The following MALRD1 variants were observed in gnomAD, a reference collection of about 807,000 sequenced individuals.
The protein encoded by MALRD1 is MAM and LDL receptor class A domain containing 1, also known as MAM and LDL-receptor class A domain-containing protein 1.
MALRD1 carries 247 observed loss-of-function variants against 242.1 expected under a neutral mutation model. That is an observed-to-expected ratio of 1.02 (90% CI 0.92 to 1.13). The LOEUF (loss-of-function observed/expected upper bound fraction) is 1.13, where lower values mean the gene tolerates loss of function less well. MALRD1 is among the 50% of genes most tolerant of loss of function. The probability of loss-of-function intolerance (pLI) is 0.00; values close to 1 mark genes in which losing one functional copy is unlikely to be tolerated. For synonymous variants in MALRD1, 995 were observed against 866.6 expected, an observed-to-expected ratio of 1.15 and a Z score of -2.60; for missense variants, 2,989 against 2,533.1, an observed-to-expected ratio of 1.18 and a Z score of -3.86.
intron 21 of MALRD1, among the ~76,000 whole-genome samples, chr10:19,302,430 T>A (rs1279208644): frequency 6.6e-6 from 1 of 151,800 alleles, no homozygotes; most frequent in East Asian, 1.9e-4. Flanking sequence ...GTTATATCCG[T>A]ATAAGGAAAT....
At chr10:19,148,803 A>ATATATATATATATATC (rs1833824002) in intron 11 of MALRD1, among the ~76,000 whole-genome samples, 1 of 144,646 alleles carries the variant, frequency 6.9e-6, no homozygotes, top group Non-Finnish European at 1.5e-5. Flanking sequence ...ATATATATAT[A>ATATATATATATATATC]TATATATCTG....
At chr10:19,484,993 A>G (rs1320275331) in intron 29 of MALRD1, among the ~76,000 whole-genome samples, 1 of 152,230 alleles carries the variant, frequency 6.6e-6, no homozygotes, top group African/African-American at 2.4e-5. Context: ...CTACTCAGCC[A>G]TACAAAATAA....
At chr10:19,067,429 T>G (rs1835014248) in intron 2 of MALRD1, among the ~76,000 whole-genome samples, 1 of 152,260 alleles carries the variant, frequency 6.6e-6, no homozygotes, top group Non-Finnish European at 1.5e-5. Flanking sequence ...ATTCCATGCC[T>G]GCCCTCATCT....
intron 38 of MALRD1, among the ~76,000 whole-genome samples, chr10:19,693,170 A>G (rs537549509): frequency 2.4e-4 from 36 of 152,040 alleles, no homozygotes; most frequent in Non-Finnish European, 3.1e-4. Context: ...GGCACAGGAC[A>G]GGGATGCCCT....
chr10:19,439,784 T>A (rs1834531314), intron 28 of MALRD1, among the ~76,000 whole-genome samples: 1 of 152,182 alleles, frequency 6.6e-6, no homozygotes, highest in African/African-American at 2.4e-5. Flanking sequence ...GTATTGTGTG[T>A]ATTTTATTTT....
At chr10:19,230,649 A>C (rs1838010802) in intron 18 of MALRD1, among the ~76,000 whole-genome samples, 1 of 152,274 alleles carries the variant, frequency 6.6e-6, no homozygotes, top group East Asian at 1.9e-4. Context: ...ACTATATCAG[A>C]TACCAAAGCT....
chr10:19,074,981 G>A (rs1375964267), intron 2 of MALRD1, among the ~76,000 whole-genome samples: 1 of 152,000 alleles, frequency 6.6e-6, no homozygotes, highest in Non-Finnish European at 1.5e-5. Context: ...AAATGAGGGT[G>A]ACCATGATAT....
intron 29 of MALRD1, among the ~76,000 whole-genome samples, chr10:19,470,621 C>G (rs1836446091): frequency 6.6e-6 from 1 of 151,860 alleles, no homozygotes; most frequent in Non-Finnish European, 1.5e-5. Flanking sequence ...CAATAGCCAT[C>G]CCAAGAGGTG....
chr10:19,661,666 G>C (rs1313952649), intron 36 of MALRD1, among the ~76,000 whole-genome samples: 1 of 152,108 alleles, frequency 6.6e-6, no homozygotes, highest in African/African-American at 2.4e-5. Context: ...GATAGCATTA[G>C]GAGATACACC....
intron 26 of MALRD1, among the ~76,000 whole-genome samples, chr10:19,385,096 A>G (rs1036668366): frequency 6.6e-6 from 1 of 151,996 alleles, no homozygotes; most frequent in African/African-American, 2.4e-5. Flanking sequence ...CTATTCTTGC[A>G]TGTCAGGTGT....
intron 13 of MALRD1, among the ~76,000 whole-genome samples, chr10:19,168,272 G>C (rs1013402984): frequency 5.3e-5 from 8 of 152,124 alleles, no homozygotes; most frequent in Admixed American, 5.2e-4. Flanking sequence ...GAATCATTTT[G>C]GTGTCAATCT....
chr10:19,666,434 G>A (rs142979276), intron 36 of MALRD1, among the ~76,000 whole-genome samples: 5 of 152,258 alleles, frequency 3.3e-5, no homozygotes, highest in South Asian at 2.1e-4. Flanking sequence ...TATGGAATCA[G>A]TCTAGTACTT....
In MALRD1 at chr10:19,331,366, TAGA is replaced by T. The variant is rs1554834009; in HGVS notation, c.3688-2_3688del. ...TTTAACTGTAACTGGCTTTTTTTTT[TAGA>T]TTGTCTTCAGAGCCAAACGTGGTAT... is the stretch of plus-strand genomic sequence containing the variant. On this transcript the variant is annotated splice_acceptor_variant and coding_sequence_variant, in exon 24 of 40. Transcript: ENST00000454679. LOFTEE classifies it high-confidence loss of function. 7.1e-6 allele frequency: 11 copies of T among 1,549,062 alleles called. No individual in the cohort carries two copies. The Admixed American group carries it at 1.6e-4, about 22-fold the overall frequency.
intron 26 of MALRD1, among the ~76,000 whole-genome samples, chr10:19,370,320 T>C (rs975557210): frequency 6.6e-6 from 1 of 152,148 alleles, no homozygotes; most frequent in Admixed American, 6.5e-5. Context: ...GGAGGATTGG[T>C]GTATGAATTA....
At chr10:19,332,785 G>A (rs1253781349) in intron 24 of MALRD1, among the ~76,000 whole-genome samples, 1 of 152,160 alleles carries the variant, frequency 6.6e-6, no homozygotes, top group Non-Finnish European at 1.5e-5. Context: ...TATTAGTGCA[G>A]TCAACAGATG....
chr10:19,063,043 G>GC (rs1481587013), intron 1 of MALRD1, among the ~76,000 whole-genome samples: 1 of 151,974 alleles, frequency 6.6e-6, no homozygotes, highest in Non-Finnish European at 1.5e-5. Flanking sequence ...TACTTGAGAG[G>GC]CTGAGATGGG....
chr10:19,274,506 A>C (rs992940170), intron 19 of MALRD1, among the ~76,000 whole-genome samples: 1 of 152,158 alleles, frequency 6.6e-6, no homozygotes. Context: ...ATTCTCTACC[A>C]TGTGAGGATA....
chr10:19,066,092 A>G (rs960926680), intron 1 of MALRD1, among the ~76,000 whole-genome samples: 6 of 152,184 alleles, frequency 3.9e-5, no homozygotes, highest in Non-Finnish European at 2.9e-5. Context: ...CATATAACCT[A>G]TACGTATCCT....
chr10:19,174,756 G>T (rs1412954928), intron 13 of MALRD1, among the ~76,000 whole-genome samples: 2 of 152,076 alleles, frequency 1.3e-5, no homozygotes, highest in East Asian at 3.9e-4. Context: ...TTCTGTGTAT[G>T]TATATAATAT....
Sources: gnomAD v4.1 joint callset for allele counts (sites outside exome capture counted in the v4.1 genomes callset) on GRCh38, gnomAD v4.1.1 for gene constraint, MANE v1.5 for transcripts, NCBI Gene and HGNC (gene_info 2026-07-23, HGNC 2026-07-21) for gene names.